CYP2C19: variants seen among roughly 807,000 people sequenced by gnomAD.
CYP2C19 encodes cytochrome P450 2C19.
Under a neutral mutation model 40.9 loss-of-function variants are expected in CYP2C19, and 59 were observed. The ratio of observed to expected loss-of-function variants is 1.44; its 90% CI spans 1.17 to 1.79. The LOEUF is 1.79. Ranked by LOEUF, CYP2C19 falls within the 40% of genes most tolerant of loss-of-function variation. The pLI is 0.00. For missense variants in CYP2C19, 754 were observed against 596.9 expected, an observed-to-expected ratio of 1.26 and a Z score of -2.74; for synonymous variants, 253 against 208.7, an observed-to-expected ratio of 1.21 and a Z score of -1.83.
intron 7 of CYP2C19, among the ~76,000 whole-genome samples, chr10:94,846,309 A>T (rs1849572277): frequency 6.6e-6 from 1 of 152,182 alleles, no homozygotes; most frequent in African/African-American, 2.4e-5. Context: ...TAGATATTAT[A>T]TTCCAGTTAT....
At chr10:94,779,028 C>T (rs1164618837) in intron 3 of CYP2C19, among the ~76,000 whole-genome samples, 2 of 152,112 alleles carry the variant, frequency 1.3e-5, no homozygotes, top group East Asian at 1.9e-4. Flanking sequence ...AAACCAAACA[C>T]TGCATGTTCT....
At chr10:94,826,482 T>G (rs974933519) in intron 6 of CYP2C19, among the ~76,000 whole-genome samples, 4 of 152,228 alleles carry the variant, frequency 2.6e-5, no homozygotes, top group African/African-American at 9.6e-5. Context: ...TGTATAAGAA[T>G]GCTTGTGATT....
chr10:94,788,887 G>C (rs1443379430), intron 5 of CYP2C19, among the ~76,000 whole-genome samples: 1 of 152,146 alleles, frequency 6.6e-6, no homozygotes, highest in East Asian at 1.9e-4. Context: ...TGGGTCAAAT[G>C]TTATTTCTAG....
chr10:94,839,088 G>T (rs1000865314), intron 6 of CYP2C19, among the ~76,000 whole-genome samples: 4 of 152,184 alleles, frequency 2.6e-5, no homozygotes, highest in Non-Finnish European at 5.9e-5. Context: ...ATGAGCATAA[G>T]TCCTAGAGCA....
chr10:94,844,350 G>C (rs1340256251), intron 7 of CYP2C19, among the ~76,000 whole-genome samples: 3 of 152,176 alleles, frequency 2.0e-5, no homozygotes, highest in Admixed American at 1.3e-4. Flanking sequence ...TCATGATTCA[G>C]AATTGTACAT....
rs184522321 is a variant in CYP2C19 at position 94,846,036 on chromosome 10, G to C, written c.1149+3012G>C. On this transcript the variant is annotated intron_variant, in intron 7 of 8. Coordinates refer to ENST00000371321, the MANE Select transcript of CYP2C19 (RefSeq NM_000769.4). Reference sequence around the variant, plus strand: ...ATAATAATAGCATTCATAGTATGGAGTTATTGATACAATAATATTATTTAC... The same window carrying C: ...ATAATAATAGCATTCATAGTATGGACTTATTGATACAATAATATTATTTAC... 1.6e-3 allele frequency among the ~76,000 whole-genome samples: 240 copies of C among 152,128 alleles called. 2 individuals are homozygous for C. Among genetic ancestry groups the C allele is most frequent in the South Asian group, 5.0e-3 (24 of 4,826 alleles).
intron 5 of CYP2C19, among the ~76,000 whole-genome samples, chr10:94,798,181 G>A (rs1337487228): frequency 6.6e-6 from 1 of 152,042 alleles, no homozygotes; most frequent in African/African-American, 2.4e-5. Context: ...AGAGATTCTA[G>A]TATATTGCAT....
At chr10:94,824,597 T>TA (rs1364565271) in intron 6 of CYP2C19, among the ~76,000 whole-genome samples, 4 of 152,132 alleles carry the variant, frequency 2.6e-5, no homozygotes, top group Admixed American at 2.0e-4. Context: ...TTAATTCCTG[T>TA]TTTTTTCCAA....
intron 7 of CYP2C19, among the ~76,000 whole-genome samples, chr10:94,847,675 C>T (rs1849593692): frequency 6.6e-6 from 1 of 152,160 alleles, no homozygotes. Context: ...AATGGTTGAA[C>T]TAGTTTACAG....
intron 6 of CYP2C19, among the ~76,000 whole-genome samples, chr10:94,826,837 A>G (rs1194549731): frequency 1.3e-5 from 2 of 152,156 alleles, no homozygotes; most frequent in African/African-American, 2.4e-5. Context: ...CATCCCATCA[A>G]TACCTAATTT....
intron 1 of CYP2C19, among the ~76,000 whole-genome samples, chr10:94,772,201 G>A (rs972638619): frequency 2.0e-5 from 3 of 152,186 alleles, no homozygotes; most frequent in African/African-American, 4.8e-5. Flanking sequence ...GAATTTCTGA[G>A]GATCCCCATA....
intron 7 of CYP2C19, among the ~76,000 whole-genome samples, chr10:94,849,314 G>A (rs949522638): frequency 2.9e-4 from 43 of 150,228 alleles, no homozygotes; most frequent in African/African-American, 1.0e-3. Context: ...GTGGTTGTGG[G>A]CATTTTATTT....
At chr10:94,844,125 G>T (rs976261740) in intron 7 of CYP2C19, among the ~76,000 whole-genome samples, 2 of 152,166 alleles carry the variant, frequency 1.3e-5, no homozygotes. Flanking sequence ...AACTAAGTGA[G>T]AAATGTTTCC....
intron 5 of CYP2C19, among the ~76,000 whole-genome samples, chr10:94,786,722 A>T (rs1359261987): frequency 6.6e-6 from 1 of 151,960 alleles, no homozygotes; most frequent in African/African-American, 2.4e-5. Context: ...CCCAGTGTGT[A>T]TTGTTTCCAT....
At chr10:94,821,761 T>C (rs1849125993) in intron 6 of CYP2C19, among the ~76,000 whole-genome samples, 1 of 152,120 alleles carries the variant, frequency 6.6e-6, no homozygotes, top group African/African-American at 2.4e-5. Flanking sequence ...TTTTGAACAA[T>C]TACTAACCTA....
At chr10:94,838,926 A>T (rs2134283628) in intron 6 of CYP2C19, among the ~76,000 whole-genome samples, 1 of 152,238 alleles carries the variant, frequency 6.6e-6, no homozygotes, top group East Asian at 1.9e-4. Flanking sequence ...ACTGCAGAAA[A>T]ATATAAGTCA....
At chr10:94,804,452 C>T (rs556761739) in intron 5 of CYP2C19, among the ~76,000 whole-genome samples, 1 of 152,342 alleles carries the variant, frequency 6.6e-6, no homozygotes, top group Admixed American at 6.5e-5. Context: ...GAATGATTGA[C>T]TTTTTATGCT....
intron 6 of CYP2C19, among the ~76,000 whole-genome samples, chr10:94,842,567 C>T (rs914488322): frequency 5.3e-5 from 8 of 151,790 alleles, no homozygotes; most frequent in Non-Finnish European, 7.4e-5. Context: ...GCTTCTCTTC[C>T]TTCTTTCATT....
At position 94,781,807 on chromosome 10, in the gene CYP2C19, T is replaced by C; in HGVS notation, c.643-14T>C. On this transcript the variant is annotated splice_polypyrimidine_tract_variant and intron_variant, in intron 4 of 8. Transcript: ENST00000371321. ...TAAATGCTTTTAATTTAATAAATTA[T>C]TGTTTTCTCTTAGATATGCAATAAT... The C allele has an allele frequency of 7.5e-7, 1 of 1,342,166 alleles. No individual in the cohort carries two copies. The highest frequency in any genetic ancestry group is 9.9e-7 in the Non-Finnish European group (1 of 1,015,150). The allele number at this position is 1,342,166 out of a possible 1,614,324, so 83.1% of individuals were successfully genotyped here.
Sources: allele counts gnomAD v4.1 joint callset (sites outside exome capture counted in the v4.1 genomes callset), GRCh38; gene constraint gnomAD v4.1.1; transcripts MANE v1.5; gene names NCBI Gene and HGNC (gene_info 2026-07-23, HGNC 2026-07-21).